The following LAMC3 variants were observed in gnomAD, a reference collection of about 807,000 sequenced individuals.
The protein encoded by LAMC3 is laminin subunit gamma 3.
LAMC3 carries 128 observed loss-of-function variants against 173.8 expected under a neutral mutation model. The observed-to-expected ratio is 0.74, with a 90% CI of 0.64 to 0.85. The LOEUF (loss-of-function observed/expected upper bound fraction) is 0.85, where lower values mean the gene tolerates loss of function less well. LAMC3 is among the 40% of genes least tolerant of loss of function. LAMC3 has a pLI of 0.00. For synonymous variants in LAMC3, 897 were observed against 909.1 expected, an observed-to-expected ratio of 0.99 and a Z score of 0.24; for missense variants, 2,022 against 2,156.0, an observed-to-expected ratio of 0.94 and a Z score of 1.23.
At chr9:131,013,834 G>A (rs1833469098) in intron 1 of LAMC3, among the ~76,000 whole-genome samples, 4 of 152,080 alleles carry the variant, frequency 2.6e-5, no homozygotes, top group African/African-American at 9.7e-5. Flanking sequence ...TGGACATTAG[G>A]GGGACCCTGT....
intron 1 of LAMC3, among the ~76,000 whole-genome samples, chr9:131,025,519 C>G (rs1428983790): frequency 6.6e-6 from 1 of 151,864 alleles, no homozygotes; most frequent in African/African-American, 2.4e-5. Context: ...CCACTGGAAG[C>G]TGGGGGTTCA....
At chr9:131,075,590 T>C (rs1207349250) in intron 20 of LAMC3, among the ~76,000 whole-genome samples, 3 of 149,322 alleles carry the variant, frequency 2.0e-5, no homozygotes, top group African/African-American at 7.4e-5. Context: ...GTCCTATTAA[T>C]CCTTATGTCA....
intron 7 of LAMC3, 62 bp downstream of exon 7, chr9:131,041,797 A>C: frequency 6.9e-7 from 1 of 1,444,892 alleles, no homozygotes; most frequent in Non-Finnish European, 9.6e-7. Flanking sequence ...CTGATGAGGC[A>C]CCAAAGCTGT....
rs1833711109 is a variant in LAMC3 at position 131,026,161 on chromosome 9, C to T, written c.374-124C>T. 1 of 1,544,472 alleles carries T rather than the reference C, an allele frequency of 6.5e-7. No homozygotes were observed. The highest frequency in any genetic ancestry group is 1.8e-4 in the Middle Eastern group (1 of 5,442). On this transcript the variant is annotated intron_variant, in intron 1 of 27. Transcript: ENST00000361069. The surrounding 1 kb of genome is among the most constrained non-coding windows in gnomAD (Gnocchi z 4.8). ...GGAGGGTGGCTTCCCCTGTCCAGAG[C>T]TCCAGACAGCTTCCAGCGATCCATC...
At chr9:131,044,068 C>T (rs1250768824) in intron 7 of LAMC3, among the ~76,000 whole-genome samples, 1 of 151,178 alleles carries the variant, frequency 6.6e-6, no homozygotes, top group Non-Finnish European at 1.5e-5. Context: ...AAGCGATTCT[C>T]CTGCCTCAGC....
chr9:131,034,065 CAG>C (rs1564369143), intron 3 of LAMC3, among the ~76,000 whole-genome samples: 1 of 152,174 alleles, frequency 6.6e-6, no homozygotes. Context: ...TGCCTCCTGT[CAG>C]GGGGCTTCGG....
At chr9:131,042,723 A>G (rs923678058) in intron 7 of LAMC3, among the ~76,000 whole-genome samples, 2 of 151,912 alleles carry the variant, frequency 1.3e-5, no homozygotes, top group Admixed American at 6.6e-5. Flanking sequence ...CATGGCAGGC[A>G]TCACTAATGA....
At chr9:131,051,888 G>A (rs966735917) in intron 9 of LAMC3, among the ~76,000 whole-genome samples, 2 of 152,164 alleles carry the variant, frequency 1.3e-5, no homozygotes, top group Non-Finnish European at 2.9e-5. Flanking sequence ...CTGAAGAAAT[G>A]ATGGGCTGAT....
rs972253636 is a variant in LAMC3 at position 131,087,267 on chromosome 9, T to G, written c.4231-209T>G. ...TTCCTCACCTGTAAAATAGTTAGAA[T>G]TGCTCCTCCTGAAACGGGTGGTATC... On this transcript the variant is annotated intron_variant, in intron 25 of 27. Coordinates refer to ENST00000361069, the MANE Select transcript of LAMC3 (RefSeq NM_006059.4). Among the ~76,000 whole-genome samples the G allele has an allele frequency of 2.6e-5, 4 of 152,354 alleles. No homozygotes were observed. In the South Asian group the frequency reaches 8.3e-4, roughly 32 times the overall value.
At chr9:131,073,951 T>C (rs1282065583) in intron 20 of LAMC3, among the ~76,000 whole-genome samples, 9 of 143,036 alleles carry the variant, frequency 6.3e-5, no homozygotes, top group African/African-American at 1.0e-4. Flanking sequence ...TTTCTTTTTT[T>C]TTTTTTTTTT....
intron 1 of LAMC3, among the ~76,000 whole-genome samples, chr9:131,016,923 C>T (rs1833530172): frequency 6.7e-6 from 1 of 150,264 alleles, no homozygotes; most frequent in Non-Finnish European, 1.5e-5. Context: ...CTGGAGAAAA[C>T]ACATTTCTAC....
intron 2 of LAMC3, among the ~76,000 whole-genome samples, chr9:131,030,764 G>A (rs974260173): frequency 2.0e-5 from 3 of 152,250 alleles, no homozygotes; most frequent in African/African-American, 2.4e-5. Flanking sequence ...TCGCCACAGC[G>A]CGTTCAGCTC....
intron 13 of LAMC3, 77 bp from the exon 14 acceptor site, chr9:131,066,883 G>A: frequency 6.3e-7 from 1 of 1,578,362 alleles, no homozygotes; most frequent in African/African-American, 1.3e-5. Flanking sequence ...AGGGACGCTT[G>A]CTCTGCTTCA....
rs1372505739 is a variant in LAMC3, at chr9:131,082,102, C to T, written c.3971C>T (p.Ser1324Phe). 6.2e-6 allele frequency: 10 copies of T among 1,613,922 alleles called. No homozygotes were observed. The highest frequency in any genetic ancestry group is 8.5e-6 in the Non-Finnish European group (10 of 1,180,002). The part of the protein sequence containing the change: ...ARAALTQASS[S>F]VQAATVTVMG... ...GCCGCCCTGACCCAGGCTTCCTCAT[C>T]TGTCCAGGCTGCGACAGTGACTGTC... The change falls in exon 24 of 28, where the codon TCT becomes TTT. Residue 1324 changes from serine to phenylalanine, a missense_variant. Transcript: ENST00000361069.
chr9:131,014,639 G>T (rs1355256422), intron 1 of LAMC3, among the ~76,000 whole-genome samples: 1 of 152,206 alleles, frequency 6.6e-6, no homozygotes, highest in Non-Finnish European at 1.5e-5. Context: ...TGCACAGGGT[G>T]CTGGGTAAAG....
Position 131,028,744 on chromosome 9 carries a change from A to G in LAMC3, c.678+2155A>G, listed in dbSNP as rs140460192. On this transcript the variant is annotated intron_variant, in intron 2 of 27. Coordinates refer to ENST00000361069, the MANE Select transcript of LAMC3 (RefSeq NM_006059.4). ...GCTGTTCTCCCAATGCAGTGGAGTC[A>G]CACGCACAGCACATATTTCCCCAGA... Among the ~76,000 whole-genome samples, 703 of 152,354 alleles carry G rather than the reference A, an allele frequency of 4.6e-3. 9 individuals are homozygous for G. Among genetic ancestry groups the G allele is most frequent in the African/African-American group, 0.016 (671 of 41,578 alleles).
At chr9:131,045,801 G>T (rs979615589) in intron 8 of LAMC3, 141 bp downstream of exon 8, 197 of 1,088,506 alleles carry the variant, frequency 1.8e-4, no homozygotes, top group Non-Finnish European at 2.5e-4. Context: ...GTGGGGTCGG[G>T]GGTGAGATGA....
intron 16 of LAMC3, 26 bp downstream of exon 16, chr9:131,069,076 C>A: frequency 6.2e-7 from 1 of 1,612,484 alleles, no homozygotes; most frequent in Non-Finnish European, 8.5e-7. Context: ...CCTTCCCGGG[C>A]TGCCCTGAGG....
chr9:131,012,029 A>G (rs1429961849), intron 1 of LAMC3, among the ~76,000 whole-genome samples: 1 of 149,598 alleles, frequency 6.7e-6, no homozygotes, highest in African/African-American at 2.5e-5. Context: ...GAGCCTCCAC[A>G]CTGTGAATGT....
Sources: gnomAD v4.1 joint callset for allele counts (sites outside exome capture counted in the v4.1 genomes callset) on GRCh38, gnomAD v4.1.1 for gene constraint, Gnocchi (gnomAD v3.1) non-coding constraint, MANE v1.5 for transcripts, NCBI Gene and HGNC (gene_info 2026-07-23, HGNC 2026-07-21) for gene names.